PROX2: variants seen among roughly 807,000 people sequenced by gnomAD.
PROX2 encodes the protein prospero homeobox 2, also known as prospero homeobox protein 2.
A neutral mutation model predicts 48.9 loss-of-function variants in PROX2; 46 were observed. The ratio of observed to expected loss-of-function variants is 0.94; its 90% CI spans 0.74 to 1.20. The LOEUF (loss-of-function observed/expected upper bound fraction) is 1.20, where lower values mean the gene tolerates loss of function less well. Ranked by LOEUF, PROX2 falls within the 50% of genes most tolerant of loss-of-function variation. The pLI is 0.00. For missense variants in PROX2, 663 were observed against 719.4 expected, an observed-to-expected ratio of 0.92 and a Z score of 0.90; for synonymous variants, 260 against 276.6, an observed-to-expected ratio of 0.94 and a Z score of 0.60.
chr14:74,864,000 G>A lies in PROX2; in HGVS notation c.-166C>T. The A allele has an allele frequency of 1.4e-6, 1 of 715,412 alleles. No individual in the cohort carries two copies. The highest frequency in any genetic ancestry group is 2.0e-6 in the Non-Finnish European group (1 of 505,654). 44.3% of individuals were successfully genotyped at this position (715,412 alleles called of 1,614,324 possible). On this transcript the variant is annotated 5_prime_UTR_variant, in exon 3 of 6. Coordinates refer to ENST00000556489, the MANE Select transcript of PROX2 (RefSeq NM_001243007.2). ...GATGCCAGGGCTCATGAACCTCCTG[G>A]GCAGACTCCTGAAATTAGAGACAGG...
At chr14:74,861,451 ACTAT>A (rs1213903016) in intron 3 of PROX2, among the ~76,000 whole-genome samples, 1 of 152,246 alleles carries the variant, frequency 6.6e-6, no homozygotes, top group East Asian at 1.9e-4. Context: ...CAGAAAAGAA[ACTAT>A]CTCAGTATTT....
At chr14:74,873,663 C>A in intron 1 of PROX2, 2 of 368,714 alleles carry the variant, frequency 5.4e-6, no homozygotes, top group Non-Finnish European at 5.3e-6. Context: ...CCCTGAGAGT[C>A]CATATTTTTA....
chr14:74,867,811 A>G (rs1387569370), intron 2 of PROX2, among the ~76,000 whole-genome samples: 1 of 152,188 alleles, frequency 6.6e-6, no homozygotes, highest in African/African-American at 2.4e-5. Context: ...CAGATCTACT[A>G]GGGTAACAGA....
intron 2 of PROX2, among the ~76,000 whole-genome samples, chr14:74,869,795 T>C (rs1225100350): frequency 6.6e-6 from 1 of 152,226 alleles, no homozygotes; most frequent in Admixed American, 6.5e-5. Context: ...TGTGTATTTC[T>C]TTGATTCTCA....
At chr14:74,865,284 T>C (rs946204209) in intron 2 of PROX2, 2 of 152,166 alleles carry the variant, frequency 1.3e-5, no homozygotes, top group Non-Finnish European at 2.9e-5. Context: ...TCTTCTGGGC[T>C]CATGGAGTGA....
Position 74,856,946 on chromosome 14 carries a change from C to T in PROX2, c.1463G>A (p.Arg488His), listed in dbSNP as rs201972276. 9.3e-6 allele frequency: 15 copies of T among 1,613,988 alleles called. No homozygotes were observed. The Admixed American group carries it at 1.5e-4, about 16-fold the overall frequency. Residue 488 changes from arginine (R) to histidine (H), a missense_variant, in exon 5 of 6, where the codon CGT (arginine) becomes CAT (histidine). Arg to His is a conservative substitution (Grantham distance 29). Coordinates refer to ENST00000556489, the MANE Select transcript of PROX2 (RefSeq NM_001243007.2). The stretch of plus-strand genomic sequence containing the variant: ...TTCCATTTGGATGTAATAAAACTCA[C>T]GAAAGTTGCTGAACCACTTGATCAT... ...SQMIKWFSNF[R>H]EFYYIQMEKS...
chr14:74,874,650 T>C (rs1014382523), intron 1 of PROX2, among the ~76,000 whole-genome samples: 37 of 152,234 alleles, frequency 2.4e-4, no homozygotes, highest in Non-Finnish European at 4.4e-5. Flanking sequence ...AAAACTTATT[T>C]AAAATGAATA....
intron 2 of PROX2, among the ~76,000 whole-genome samples, chr14:74,867,401 T>A (rs947039749): frequency 1.3e-5 from 2 of 152,122 alleles, no homozygotes; most frequent in African/African-American, 2.4e-5. Flanking sequence ...ACGGACAAAC[T>A]CTTATTCCTC....
At chr14:74,856,642 T>C (rs1211991236) in intron 5 of PROX2, 159 bp downstream of exon 5, 4 of 614,490 alleles carry the variant, frequency 6.5e-6, no homozygotes, top group African/African-American at 1.8e-5. Flanking sequence ...CAAGTGAAGA[T>C]GTTGAGGCTG....
At chr14:74,868,161 G>A (rs999504863) in intron 2 of PROX2, among the ~76,000 whole-genome samples, 5 of 151,522 alleles carry the variant, frequency 3.3e-5, no homozygotes, top group African/African-American at 1.2e-4. Flanking sequence ...AGTAATGTAG[G>A]ATCATTTTAC....
Position 74,858,462 on chromosome 14 carries a change from A to T in PROX2, c.1358T>A (p.Phe453Tyr), listed in dbSNP as rs1238305925. ...GHLKKAKLMF[F>Y]FTRYPSSNLL... ...GTTGGAGCTGGGATATCGTGTGAAG[A>T]AAAACATTAGTTTGGCCTTCTTCAA... is the stretch of plus-strand genomic sequence containing the variant. Residue 453 changes from phenylalanine to tyrosine, a missense_variant, in exon 4 of 6, where the codon TTC (phenylalanine) becomes TAC (tyrosine). Physicochemically the swap from Phe to Tyr is conservative, Grantham distance 22. Coordinates refer to ENST00000556489, the MANE Select transcript of PROX2 (RefSeq NM_001243007.2). 3 of 1,587,580 alleles carry T rather than the reference A, an allele frequency of 1.9e-6. No homozygotes were observed. The highest frequency in any genetic ancestry group is 3.6e-5 in the Admixed American group (2 of 56,308).
rs117273388 is a variant in PROX2, at chr14:74,873,824, T to C, written c.-310+2071A>G. ...TGCTGTATGCAATCCATAGCACTTA[T>C]GATGACATTGAAAGTGAAGTTTTTG... On this transcript the variant is annotated intron_variant, in intron 1 of 5. Transcript: ENST00000556489. 3,928 of 456,546 alleles carry C rather than the reference T, an allele frequency of 8.6e-3. 31 individuals carry two copies. The highest frequency in any genetic ancestry group is 0.013 in the Non-Finnish European group (3,110 of 231,764). The allele number at this position is 456,546 out of a possible 1,614,324, so 28.3% of individuals were successfully genotyped here. A position where few individuals can be genotyped will look rare whatever the true frequency, so the allele number is the denominator to read the frequency against.
chr14:74,854,898 G>A lies in PROX2; in HGVS notation c.*234C>T, dbSNP rs2091730231. On this transcript the variant is annotated 3_prime_UTR_variant, in exon 6 of 6. Coordinates refer to ENST00000556489, the MANE Select transcript of PROX2 (RefSeq NM_001243007.2). ...TCAAGTCTTCTGATTGGAAACTTGTGTTCCTTTTACAATATACTACCAATA... is the reference window on the plus strand; with the variant it reads ...TCAAGTCTTCTGATTGGAAACTTGTATTCCTTTTACAATATACTACCAATA... 1 of 315,898 alleles carries A rather than the reference G, an allele frequency of 3.2e-6. No individual in the cohort carries two copies. The highest frequency in any genetic ancestry group is 5.7e-6 in the Non-Finnish European group (1 of 174,520). The allele number at this position is 315,898 out of a possible 1,614,324, so 19.6% of individuals were successfully genotyped here.
intron 2 of PROX2, among the ~76,000 whole-genome samples, chr14:74,866,851 T>A (rs1276546793): frequency 6.6e-6 from 1 of 152,180 alleles, no homozygotes; most frequent in Non-Finnish European, 1.5e-5. Flanking sequence ...ATTTGTAGGC[T>A]GATAACAATG....
At chr14:74,873,572 A>G in intron 1 of PROX2, 2 of 223,752 alleles carry the variant, frequency 8.9e-6, no homozygotes, top group Middle Eastern at 9.9e-4. Flanking sequence ...ATATTTTTAG[A>G]TGTCAACCAT....
At chr14:74,875,111 C>T (rs1883308517) in intron 1 of PROX2, among the ~76,000 whole-genome samples, 1 of 151,896 alleles carries the variant, frequency 6.6e-6, no homozygotes. Context: ...TGCCATTGCA[C>T]TCCAGCCTGG....
At position 74,863,018 on chromosome 14, in the gene PROX2, G is replaced by T. The variant is rs1457350718; in HGVS notation, c.817C>A (p.Pro273Thr). 1 of 1,613,980 alleles carries T rather than the reference G, an allele frequency of 6.2e-7. No homozygotes were observed. Residue 273 changes from proline to threonine, a missense_variant, in exon 3 of 6, where the codon CCT becomes ACT. Physicochemically the swap from Pro to Thr is conservative, Grantham distance 38. Coordinates refer to ENST00000556489, the MANE Select transcript of PROX2 (RefSeq NM_001243007.2). ...QVAEGRSEPS[P>T]PVGGACKDPL... ...TCTTTACAGGCCCCTCCCACAGGAGGTGAGGGCTCGCTTCTACCCTCTGCC... is the reference window on the plus strand; with the variant it reads ...TCTTTACAGGCCCCTCCCACAGGAGTTGAGGGCTCGCTTCTACCCTCTGCC...
In PROX2 at chr14:74,853,184, G is replaced by A. The variant is rs1046944694; in HGVS notation, c.*1948C>T. ...AGACAAGGTTCACTGCCCTGGAGGT[G>A]ACTTGGCTCAGTCTTTAAACACACA... On this transcript the variant is annotated 3_prime_UTR_variant, in exon 6 of 6. Transcript: ENST00000556489. 6.6e-6 allele frequency: 1 copy of A among 152,226 alleles called. No individual in the cohort carries two copies. Among genetic ancestry groups the A allele is most frequent in the Non-Finnish European group, 1.5e-5 (1 of 68,050 alleles). 9.4% of individuals were successfully genotyped at this position (152,226 alleles called of 1,614,324 possible).
rs183625809 is a variant in PROX2 at position 74,870,752 on chromosome 14, A to C, written c.-175+351T>G. 4.6e-5 allele frequency among the ~76,000 whole-genome samples: 7 copies of C among 152,284 alleles called. No homozygotes were observed. The East Asian group carries it at 1.4e-3, about 29-fold the overall frequency. ...AACCTAAAACCACTCTAAAAAATAA[A>C]GTCTAGGCCGGGCGCAGGGGCTCAC... On this transcript the variant is annotated intron_variant, in intron 2 of 5. Transcript: ENST00000556489.
Sources: allele counts gnomAD v4.1 joint callset (sites outside exome capture counted in the v4.1 genomes callset), GRCh38; gene constraint gnomAD v4.1.1; transcripts MANE v1.5; gene names NCBI Gene and HGNC (gene_info 2026-07-23, HGNC 2026-07-21).